Variants in RPS6KA5 observed in about 807,000 individuals in gnomAD.
RPS6KA5 encodes ribosomal protein S6 kinase alpha-5.
In RPS6KA5, 27 loss-of-function variants were observed where a neutral mutation model predicts 85.5. That is an observed-to-expected ratio of 0.32 (90% CI 0.23 to 0.44). RPS6KA5 has a LOEUF of 0.44. RPS6KA5 is among the 20% of genes least tolerant of loss of function. The pLI is 1.00. For missense variants in RPS6KA5, 811 were observed against 980.9 expected (o/e 0.83, Z 2.31); for synonymous variants, 334 against 348.2 (o/e 0.96, Z 0.46).
chr14:90,911,126 GTTTA>G (rs1433189114), intron 7 of RPS6KA5, among the ~76,000 whole-genome samples: 1 of 151,468 alleles, frequency 6.6e-6, no homozygotes, highest in East Asian at 1.9e-4. Context: ...CATACCATAT[GTTTA>G]TTTGTCTATT....
Position 91,048,429 on chromosome 14 carries a change from A to G in RPS6KA5, c.103+11903T>C, listed in dbSNP as rs533910362. The stretch of plus-strand genomic sequence containing the variant: ...ATAACTGCAATACCCCAAGCACTAT[A>G]CTAAAAATCAGGAACTTTACTTCCT... On this transcript the variant is annotated intron_variant, in intron 1 of 16. Coordinates refer to ENST00000614987, the MANE Select transcript of RPS6KA5 (RefSeq NM_004755.4). 5.9e-5 allele frequency among the ~76,000 whole-genome samples: 9 copies of G among 152,314 alleles called. No homozygotes were observed. In the South Asian group the frequency reaches 1.9e-3, roughly 32 times the overall value.
intron 5 of RPS6KA5, among the ~76,000 whole-genome samples, chr14:90,924,805 T>C (rs2036575899): frequency 2.0e-5 from 3 of 152,218 alleles, no homozygotes; most frequent in Admixed American, 6.5e-5. Flanking sequence ...ATAAAGCTGG[T>C]TTCCTTCTAG....
intron 3 of RPS6KA5, among the ~76,000 whole-genome samples, chr14:90,978,076 A>G (rs1311072858): frequency 1.3e-5 from 2 of 152,138 alleles, no homozygotes; most frequent in Non-Finnish European, 2.9e-5. Flanking sequence ...AGAAAAAAAG[A>G]CTAAGAAAAG....
chr14:90,875,263 T>C lies in RPS6KA5; in HGVS notation c.1934A>G (p.Asp645Gly), dbSNP rs2033381336. ...VEIMKKIKKG[D>G]FSFEGEAWKN... ...CCAGGCTTCTCCTTCAAAGGAGAAA[T>C]CTCCCTTTTTAATTTTCTTCATGAT... Residue 645 changes from aspartate to glycine, a missense_variant, in exon 15 of 17, where the codon GAT becomes GGT. Asp to Gly is a moderately conservative substitution (Grantham distance 94). Around this residue, in one of 3 missense-constraint regions of RPS6KA5, gnomAD observed 650 missense variants for 793.4 expected, o/e 0.82. Transcript: ENST00000614987. 1.2e-6 allele frequency: 2 copies of C among 1,613,816 alleles called. No homozygotes were observed. Among genetic ancestry groups the C allele is most frequent in the Non-Finnish European group, 1.7e-6 (2 of 1,179,904 alleles).
rs535516153 is a variant in RPS6KA5, at chr14:90,916,728, A to T, written c.806+3478T>A. 5.9e-5 allele frequency among the ~76,000 whole-genome samples: 9 copies of T among 152,260 alleles called. No individual in the cohort carries two copies. The East Asian group carries it at 1.7e-3, about 29-fold the overall frequency. ...AACCATGAAATTACAGGTTGACACC[A>T]TGACAAAGTGGATAATTAATTGATT... On this transcript the variant is annotated intron_variant, in intron 7 of 16. Coordinates refer to ENST00000614987, the MANE Select transcript of RPS6KA5 (RefSeq NM_004755.4).
intron 1 of RPS6KA5, among the ~76,000 whole-genome samples, chr14:91,032,031 G>A (rs772193241): frequency 6.6e-6 from 1 of 152,068 alleles, no homozygotes; most frequent in Admixed American, 6.5e-5. Flanking sequence ...CTTTGCGGGC[G>A]ACATTATAGG....
intron 7 of RPS6KA5, among the ~76,000 whole-genome samples, chr14:90,910,071 C>T (rs573271195): frequency 2.8e-4 from 43 of 150,986 alleles, no homozygotes; most frequent in African/African-American, 3.9e-4. Context: ...CCACCGTGCC[C>T]GGCCAAAAAC....
At chr14:91,015,111 A>G (rs2139763440) in intron 1 of RPS6KA5, among the ~76,000 whole-genome samples, 1 of 152,370 alleles carries the variant, frequency 6.6e-6, no homozygotes, top group South Asian at 2.1e-4. Flanking sequence ...GGAGCAACAG[A>G]GTAAATCAAA....
chr14:90,900,278 G>C (rs2035093074), intron 10 of RPS6KA5, 37 bp from the exon 11 acceptor site: 3 of 1,479,364 alleles, frequency 2.0e-6, no homozygotes, highest in East Asian at 4.8e-5. Context: ...TTCAGAAAAT[G>C]TCAGTAATAC....
chr14:90,959,925 G>A (rs887168565), intron 3 of RPS6KA5, among the ~76,000 whole-genome samples: 4 of 152,088 alleles, frequency 2.6e-5, no homozygotes, highest in African/African-American at 9.7e-5. Flanking sequence ...AAACAAACCA[G>A]CAAGTACTGA....
intron 5 of RPS6KA5, among the ~76,000 whole-genome samples, chr14:90,927,175 A>G (rs571927313): frequency 6.6e-6 from 1 of 152,256 alleles, no homozygotes; most frequent in Admixed American, 6.5e-5. Flanking sequence ...CTTGTGTATA[A>G]AAATAGATAA....
intron 7 of RPS6KA5, among the ~76,000 whole-genome samples, chr14:90,912,767 G>A (rs995156635): frequency 1.3e-5 from 2 of 151,956 alleles, no homozygotes; most frequent in African/African-American, 4.8e-5. Flanking sequence ...GAGATTATTT[G>A]GCTGGTATCC....
chr14:91,018,251 T>C (rs774443101), intron 1 of RPS6KA5, among the ~76,000 whole-genome samples: 6 of 152,240 alleles, frequency 3.9e-5, no homozygotes, highest in Non-Finnish European at 8.8e-5. Context: ...TATTTCCTTA[T>C]TTTGTTTAAA....
chr14:90,906,031 G>C, intron 8 of RPS6KA5, 118 bp downstream of exon 8: 1 of 1,014,708 alleles, frequency 9.9e-7, no homozygotes, highest in Non-Finnish European at 1.4e-6. Flanking sequence ...CAATGTACGT[G>C]AAAATGCCAG....
chr14:90,990,693 A>G (rs1336433056), intron 2 of RPS6KA5, among the ~76,000 whole-genome samples: 1 of 152,206 alleles, frequency 6.6e-6, no homozygotes, highest in Non-Finnish European at 1.5e-5. Flanking sequence ...TACACCACAG[A>G]ATACTATGCA....
At chr14:91,033,601 C>A (rs886186557) in intron 1 of RPS6KA5, among the ~76,000 whole-genome samples, 2 of 151,906 alleles carry the variant, frequency 1.3e-5, no homozygotes, top group Non-Finnish European at 2.9e-5. Context: ...GACTCTGTCT[C>A]AAAAATAAAA....
chr14:91,022,912 C>T (rs898925079), intron 1 of RPS6KA5, among the ~76,000 whole-genome samples: 4 of 151,870 alleles, frequency 2.6e-5, no homozygotes, highest in African/African-American at 9.7e-5. Flanking sequence ...TGGTGAAACC[C>T]CATCTCTACT....
intron 3 of RPS6KA5, among the ~76,000 whole-genome samples, chr14:90,971,383 C>T (rs1364284087): frequency 6.6e-6 from 1 of 152,136 alleles, no homozygotes; most frequent in Non-Finnish European, 1.5e-5. Context: ...TCAAAGAGAC[C>T]TTAAGGCTTG....
At chr14:90,910,681 T>C (rs1240275076) in intron 7 of RPS6KA5, among the ~76,000 whole-genome samples, 1 of 147,568 alleles carries the variant, frequency 6.8e-6, no homozygotes, top group African/African-American at 2.6e-5. Flanking sequence ...TTATCATTAT[T>C]ATTATTTTTT....
Sources: allele counts gnomAD v4.1 joint callset (sites outside exome capture counted in the v4.1 genomes callset), GRCh38; gene constraint gnomAD v4.1.1; regional missense constraint gnomAD v4.1.1; transcripts MANE v1.5; gene names NCBI Gene and HGNC (gene_info 2026-07-23, HGNC 2026-07-21).